Variants in THRB observed in about 807,000 individuals in gnomAD.
The protein encoded by THRB is nuclear receptor subfamily 1 group A member 2.
A neutral mutation model predicts 47.8 loss-of-function variants in THRB; 12 were observed. The ratio of observed to expected loss-of-function variants is 0.25; its 90% confidence interval spans 0.16 to 0.41. The LOEUF is 0.41. Ranked by LOEUF, THRB falls within the 10% of genes least tolerant of loss-of-function variation. The pLI is 1.00. For synonymous variants in THRB, 218 were observed against 212.2 expected (o/e 1.03, Z -0.24); for missense variants, 348 against 589.2 (o/e 0.59, Z 4.24).
intron 2 of THRB, among the ~76,000 whole-genome samples, chr3:24,324,939 T>C (rs2058711414): frequency 1.3e-5 from 2 of 152,202 alleles, no homozygotes; most frequent in African/African-American, 4.8e-5. Context: ...TTATAAAATA[T>C]GTATGATAGG....
chr3:24,336,252 T>C (rs564674884), intron 2 of THRB, among the ~76,000 whole-genome samples: 2 of 152,220 alleles, frequency 1.3e-5, no homozygotes, highest in South Asian at 4.1e-4. Context: ...AGTGCTGTAA[T>C]ACTAGCACTG....
chr3:24,222,690 G>C (rs983709673), intron 4 of THRB, among the ~76,000 whole-genome samples: 6 of 152,224 alleles, frequency 3.9e-5, no homozygotes, highest in African/African-American at 1.4e-4. Context: ...CCTACTTGCA[G>C]TGAGATTTTT....
intron 1 of THRB, among the ~76,000 whole-genome samples, chr3:24,396,300 C>T (rs1378967215): frequency 6.6e-6 from 1 of 152,068 alleles, no homozygotes; most frequent in African/African-American, 2.4e-5. Flanking sequence ...ATACCCTAGA[C>T]CAGTTATATC....
chr3:24,332,367 GA>G (rs922274813), intron 2 of THRB, among the ~76,000 whole-genome samples: 15 of 152,228 alleles, frequency 9.9e-5, no homozygotes, highest in African/African-American at 2.9e-4. Flanking sequence ...CTGCTTTGGA[GA>G]AAAAAATAAA....
intron 1 of THRB, among the ~76,000 whole-genome samples, chr3:24,440,926 G>A (rs189019060): frequency 5.6e-4 from 85 of 152,250 alleles, no homozygotes; most frequent in Non-Finnish European, 1.0e-3. Context: ...CAGTTTCCAT[G>A]GGTCAGGAGT....
At chr3:24,131,999 G>A (rs957536325) in intron 9 of THRB, among the ~76,000 whole-genome samples, 33 of 152,160 alleles carry the variant, frequency 2.2e-4, no homozygotes. Flanking sequence ...GTCCTTCTGG[G>A]TATGGCTTCT....
chr3:24,375,597 A>C (rs566977380), intron 1 of THRB, among the ~76,000 whole-genome samples: 2 of 150,250 alleles, frequency 1.3e-5, no homozygotes, highest in Non-Finnish European at 3.0e-5. Context: ...AAGAAAAACT[A>C]ACTCAAGGAA....
chr3:24,157,410 A>G (rs887221116), intron 5 of THRB, among the ~76,000 whole-genome samples: 1 of 152,104 alleles, frequency 6.6e-6, no homozygotes, highest in Non-Finnish European at 1.5e-5. Flanking sequence ...TATGAGGCCA[A>G]AGGACCCTGG....
chr3:24,190,185 G>T lies in THRB; in HGVS notation c.172C>A (p.Leu58Ile), dbSNP rs772976219. The T allele has an allele frequency of 1.7e-5, 27 of 1,614,140 alleles. No homozygotes were observed. In the African/African-American group the frequency reaches 3.6e-4, roughly 22 times the overall value. The change falls in exon 5 of 11, where the codon CTC becomes ATC. Residue 58 changes from leucine to isoleucine, a missense_variant. Transcript: ENST00000646209. ...TLKNEQSSPH[L>I]IQTTWTSSIF... Reference sequence around the variant, plus strand: ...GAGCTAGTCCAAGTGGTCTGGATGAGATGTGGCGACGACTGTTCATTTTTC... The same window carrying T: ...GAGCTAGTCCAAGTGGTCTGGATGATATGTGGCGACGACTGTTCATTTTTC...
rs548768018 is a variant in THRB, at chr3:24,134,774, C to T, written c.739-1312G>A. Among the ~76,000 whole-genome samples the T allele has an allele frequency of 5.3e-5, 8 of 152,298 alleles. No homozygotes were observed. In the South Asian group the frequency reaches 1.7e-3, roughly 32 times the overall value. On this transcript the variant is annotated intron_variant, in intron 8 of 10. Transcript: ENST00000646209. ...GACTCAAGCCCTACCCAGTGGTGGCCACCTTTGCCTAGAGCCACAGTGAAT... is the reference window on the plus strand; with the variant it reads ...GACTCAAGCCCTACCCAGTGGTGGCTACCTTTGCCTAGAGCCACAGTGAAT...
intron 3 of THRB, among the ~76,000 whole-genome samples, chr3:24,289,544 TG>T (rs1158246609): frequency 6.6e-6 from 1 of 152,192 alleles, no homozygotes; most frequent in Non-Finnish European, 1.5e-5. Context: ...TTTCTTTTTT[TG>T]GAGTTGAGGA....
Position 24,443,010 on chromosome 3 carries a change from C to T in THRB, c.-261+51642G>A, listed in dbSNP as rs1423949508. Among the ~76,000 whole-genome samples, 3 of 151,606 alleles carry T rather than the reference C, an allele frequency of 2.0e-5. No individual in the cohort carries two copies. In the East Asian group the frequency reaches 5.8e-4, roughly 29 times the overall value. On this transcript the variant is annotated intron_variant, in intron 1 of 10. Coordinates refer to ENST00000646209, the MANE Select transcript of THRB (RefSeq NM_001354712.2). ...ATCCTGGCCAACAATGGTGAAACTC[C>T]GTCTGTACTAAAAATACAAAAATTA...
intron 1 of THRB, among the ~76,000 whole-genome samples, chr3:24,435,080 A>G (rs1010236327): frequency 2.6e-5 from 4 of 152,134 alleles, no homozygotes; most frequent in Admixed American, 6.6e-5. Context: ...GAGGTGTTGA[A>G]CTGGAGCTGC....
chr3:24,264,138 C>T (rs1162990361), intron 3 of THRB, among the ~76,000 whole-genome samples: 1 of 152,164 alleles, frequency 6.6e-6, no homozygotes, highest in African/African-American at 2.4e-5. Context: ...GCATCTCTGG[C>T]TGTTTTTCCT....
chr3:24,383,025 T>C (rs1429460370), intron 1 of THRB, among the ~76,000 whole-genome samples: 3 of 152,134 alleles, frequency 2.0e-5, no homozygotes, highest in Non-Finnish European at 4.4e-5. Context: ...CATTCTTCCT[T>C]CAGATTTCAG....
Position 24,220,409 on chromosome 3 carries a change from C to T in THRB, c.22+8529G>A, listed in dbSNP as rs369140896. ...GGGAGGCTGAGATGGGGGAATCACA[C>T]GAGCCTGGAAGGTGGAGGTTGCAGT... On this transcript the variant is annotated intron_variant, in intron 4 of 10. Coordinates refer to ENST00000646209, the MANE Select transcript of THRB (RefSeq NM_001354712.2). 2.1e-3 allele frequency among the ~76,000 whole-genome samples: 313 copies of T among 152,168 alleles called. 1 individual carries two copies. Among genetic ancestry groups the T allele is most frequent in the African/African-American group, 7.0e-3 (289 of 41,502 alleles).
intron 3 of THRB, among the ~76,000 whole-genome samples, chr3:24,278,358 G>C (rs1400755082): frequency 1.3e-5 from 2 of 152,184 alleles, no homozygotes; most frequent in East Asian, 1.9e-4. Context: ...GGTAAGACTT[G>C]CTGAGAAGTT....
At chr3:24,413,787 A>G (rs539971679) in intron 1 of THRB, among the ~76,000 whole-genome samples, 4 of 151,814 alleles carry the variant, frequency 2.6e-5, no homozygotes, top group African/African-American at 7.2e-5. Context: ...TCGTTGTTCA[A>G]TTCCCACCTA....
chr3:24,212,086 A>G (rs547471373), intron 4 of THRB, among the ~76,000 whole-genome samples: 6 of 152,244 alleles, frequency 3.9e-5, no homozygotes, highest in Admixed American at 6.5e-5. Context: ...CAACATGGTG[A>G]AACCCTGTCT....
Sources: allele counts gnomAD v4.1 joint callset (sites outside exome capture counted in the v4.1 genomes callset), GRCh38; gene constraint gnomAD v4.1.1; transcripts MANE v1.5; gene names NCBI Gene and HGNC (gene_info 2026-07-23, HGNC 2026-07-21).